Variants in FOXP1 observed in about 807,000 individuals in gnomAD.
FOXP1 encodes forkhead box P1.
A neutral mutation model predicts 98.2 loss-of-function variants in FOXP1; 15 were observed. That is an observed-to-expected ratio of 0.15 (90% CI 0.10 to 0.24). The LOEUF is 0.24. FOXP1 is among the 10% of genes least tolerant of loss of function. The pLI, the probability that FOXP1 is intolerant of heterozygous loss-of-function variation, is 1.00. For synonymous variants in FOXP1, 371 were observed against 314.5 expected, an observed-to-expected ratio of 1.18 and a Z score of -1.90; for missense variants, 633 against 848.5, an observed-to-expected ratio of 0.75 and a Z score of 3.15.
At chr3:71,507,676 C>T (rs2041923574) in intron 2 of FOXP1, among the ~76,000 whole-genome samples, 1 of 151,750 alleles carries the variant, frequency 6.6e-6, no homozygotes, top group Admixed American at 6.6e-5. Flanking sequence ...CTCCCGGGTT[C>T]ACGCCATTCT....
At chr3:70,972,504 T>C (rs1291430624) in intron 18 of FOXP1, 51 bp downstream of exon 18, 4 of 1,612,900 alleles carry the variant, frequency 2.5e-6, no homozygotes, top group Non-Finnish European at 3.4e-6. Flanking sequence ...TACGTTATAC[T>C]TGTTAGCACA....
At chr3:71,487,485 C>T (rs569005998) in intron 3 of FOXP1, among the ~76,000 whole-genome samples, 31 of 152,324 alleles carry the variant, frequency 2.0e-4, no homozygotes, top group African/African-American at 7.2e-4. Context: ...ATACCTTATA[C>T]ACTGCATTGT....
intron 7 of FOXP1, among the ~76,000 whole-genome samples, chr3:71,103,548 C>T (rs1244807200): frequency 1.3e-5 from 2 of 152,236 alleles, no homozygotes; most frequent in Admixed American, 6.5e-5. Context: ...ACTTCTGGTC[C>T]ATGGTATTGC....
intron 9 of FOXP1, among the ~76,000 whole-genome samples, chr3:71,048,479 T>C (rs1313023861): frequency 6.6e-6 from 1 of 152,174 alleles, no homozygotes; most frequent in Non-Finnish European, 1.5e-5. Flanking sequence ...TCAGACTTAC[T>C]ACCATGCCAC....
intron 10 of FOXP1, among the ~76,000 whole-genome samples, chr3:71,042,385 T>C (rs555674645): frequency 6.6e-6 from 1 of 152,298 alleles, no homozygotes; most frequent in African/African-American, 2.4e-5. Context: ...AATCTCACTA[T>C]TGTGGGCCTC....
At chr3:71,406,009 T>C (rs1041557104) in intron 3 of FOXP1, among the ~76,000 whole-genome samples, 15 of 152,084 alleles carry the variant, frequency 9.9e-5, no homozygotes, top group African/African-American at 3.4e-4. Context: ...GGATTACAGG[T>C]GTGAGCCACC....
At chr3:71,235,695 T>C (rs974976139) in intron 5 of FOXP1, among the ~76,000 whole-genome samples, 1 of 152,122 alleles carries the variant, frequency 6.6e-6, no homozygotes, top group African/African-American at 2.4e-5. Context: ...GCCTCCTAAG[T>C]AGTTGGGACT....
chr3:71,248,763 G>C (rs376156289), intron 5 of FOXP1, among the ~76,000 whole-genome samples: 2 of 150,352 alleles, frequency 1.3e-5, no homozygotes, highest in African/African-American at 4.9e-5. Flanking sequence ...AAAAAATTCA[G>C]CATGAAGTCG....
rs973897190 is a variant in FOXP1 at position 71,099,403 on chromosome 3, T to G, written c.282+13133A>C. Among the ~76,000 whole-genome samples, 6 of 152,184 alleles carry G rather than the reference T, an allele frequency of 3.9e-5. No homozygotes were observed. The South Asian group carries it at 1.2e-3, about 32-fold the overall frequency. On this transcript the variant is annotated intron_variant, in intron 7 of 20. Transcript: ENST00000649528. ...GGTGCGCCCCTGTAATCCCAGCTAC[T>G]CCAGAGGCTGAGGCGGGAGAATTGC...
At chr3:71,566,514 T>TA (rs1483567813) in intron 2 of FOXP1, among the ~76,000 whole-genome samples, 3 of 152,174 alleles carry the variant, frequency 2.0e-5, no homozygotes, top group African/African-American at 7.2e-5. Flanking sequence ...CCAGTCCCTG[T>TA]AGTGTGAAAA....
At chr3:71,380,628 T>C (rs1304227378) in intron 3 of FOXP1, among the ~76,000 whole-genome samples, 2 of 152,196 alleles carry the variant, frequency 1.3e-5, no homozygotes, top group Admixed American at 6.5e-5. Flanking sequence ...CTCTTCAATG[T>C]TTGATATGCA....
chr3:70,967,664 A>C (rs1161231542), intron 19 of FOXP1, among the ~76,000 whole-genome samples: 4 of 128,078 alleles, frequency 3.1e-5, no homozygotes, highest in Non-Finnish European at 6.8e-5. Context: ...TTGGCAGAGC[A>C]GTTGCCAGAA....
intron 5 of FOXP1, among the ~76,000 whole-genome samples, chr3:71,274,378 A>C (rs1286101011): frequency 6.6e-6 from 1 of 152,204 alleles, no homozygotes; most frequent in African/African-American, 2.4e-5. Flanking sequence ...GAGTCAGGAC[A>C]AGAGGCTCAG....
At chr3:71,005,950 TG>T (rs903810190) in intron 12 of FOXP1, among the ~76,000 whole-genome samples, 4 of 152,132 alleles carry the variant, frequency 2.6e-5, no homozygotes, top group Non-Finnish European at 5.9e-5. Context: ...GATTTATATC[TG>T]TAAGTATGGG....
At chr3:71,371,742 T>C (rs994636176) in intron 3 of FOXP1, among the ~76,000 whole-genome samples, 21 of 152,270 alleles carry the variant, frequency 1.4e-4, no homozygotes, top group African/African-American at 5.1e-4. Context: ...GGAGCTACAA[T>C]TGCATCACTG....
chr3:71,322,832 T>C (rs1253019809), intron 4 of FOXP1, among the ~76,000 whole-genome samples: 2 of 152,186 alleles, frequency 1.3e-5, no homozygotes, highest in African/African-American at 2.4e-5. Flanking sequence ...GAAAACCAAC[T>C]ATGCTGACAA....
intron 3 of FOXP1, among the ~76,000 whole-genome samples, chr3:71,441,200 G>A (rs2085901353): frequency 6.6e-6 from 1 of 152,214 alleles, no homozygotes; most frequent in South Asian, 2.1e-4. Context: ...AACTCCCTAG[G>A]TGGGACTGTA....
At chr3:71,438,751 A>C (rs2085615022) in intron 3 of FOXP1, among the ~76,000 whole-genome samples, 1 of 152,152 alleles carries the variant, frequency 6.6e-6, no homozygotes, top group Non-Finnish European at 1.5e-5. Context: ...AGAAAAAAAA[A>C]AAAAACCAGT....
intron 2 of FOXP1, among the ~76,000 whole-genome samples, chr3:71,563,985 T>C (rs1225635639): frequency 2.0e-5 from 3 of 152,252 alleles, no homozygotes; most frequent in Non-Finnish European, 4.4e-5. Flanking sequence ...ATAATGCTTG[T>C]ATATTATACC....
Sources: allele counts gnomAD v4.1 joint callset (sites outside exome capture counted in the v4.1 genomes callset), GRCh38; gene constraint gnomAD v4.1.1; transcripts MANE v1.5; gene names NCBI Gene and HGNC (gene_info 2026-07-23, HGNC 2026-07-21).